The following MGAT4C variants were observed in gnomAD, a reference collection of about 807,000 sequenced individuals.
The protein encoded by MGAT4C is alpha-1,3-mannosyl-glycoprotein 4-beta-N-acetylglucosaminyltransferase C.
Under a neutral mutation model 40.1 loss-of-function variants are expected in MGAT4C, and 19 were observed. That is an observed-to-expected ratio of 0.47 (90% CI 0.33 to 0.70). The LOEUF (loss-of-function observed/expected upper bound fraction) is 0.70. Among genes scored for constraint, MGAT4C ranks in the 30% least tolerant of loss-of-function variants. The probability of loss-of-function intolerance (pLI) is 0.02; values close to 1 mark genes in which losing one functional copy is unlikely to be tolerated. For synonymous variants in MGAT4C, 181 were observed against 187.1 expected, an observed-to-expected ratio of 0.97 and a Z score of 0.27; for missense variants, 491 against 563.2, an observed-to-expected ratio of 0.87 and a Z score of 1.30.
intron 1 of MGAT4C, among the ~76,000 whole-genome samples, chr12:86,815,340 A>C (rs1016158133): frequency 2.6e-5 from 4 of 152,004 alleles, no homozygotes; most frequent in Non-Finnish European, 5.9e-5. Context: ...AAAAAACAAA[A>C]AACAGTAGAC....
Position 85,979,595 on chromosome 12 carries a change from A to C in MGAT4C, c.1131T>G (p.Asp377Glu), listed in dbSNP as rs753517104. The C allele has an allele frequency of 6.2e-7, 1 of 1,609,600 alleles. No individual in the cohort carries two copies. The highest frequency in any genetic ancestry group is 8.5e-7 in the Non-Finnish European group (1 of 1,178,568). ...YFWGKPPSTG[D>E]VFVIVFENPI... ...GATTTTCAAATACAATCACAAAAACATCTCCTGTTGAAGGTGGTTTCCCCC... is the reference window on the plus strand; with the variant it reads ...GATTTTCAAATACAATCACAAAAACCTCTCCTGTTGAAGGTGGTTTCCCCC... The change falls in exon 5 of 5, where the codon GAT (aspartate) becomes GAG (glutamate). Residue 377 changes from aspartate (D) to glutamate (E), a missense_variant. Asp to Glu is a conservative substitution (Grantham distance 45). Transcript: ENST00000611864.
chr12:86,184,896 A>T (rs1423136331), intron 1 of MGAT4C, among the ~76,000 whole-genome samples: 2 of 152,164 alleles, frequency 1.3e-5, no homozygotes, highest in African/African-American at 4.8e-5. Flanking sequence ...TTTCAGAAAA[A>T]AATCTGGATA....
chr12:86,081,032 T>C (rs1870741110), intron 1 of MGAT4C, among the ~76,000 whole-genome samples: 2 of 152,176 alleles, frequency 1.3e-5, no homozygotes, highest in African/African-American at 4.8e-5. Flanking sequence ...TGGCATTTAG[T>C]TGATGTGAAT....
chr12:86,789,881 C>T (rs192686965), intron 1 of MGAT4C, among the ~76,000 whole-genome samples: 7 of 152,178 alleles, frequency 4.6e-5, no homozygotes, highest in Middle Eastern at 3.4e-3. Context: ...GATGAGAAAA[C>T]GTACACACAG....
intron 2 of MGAT4C, among the ~76,000 whole-genome samples, chr12:86,663,829 GA>G (rs1351072750): frequency 2.0e-5 from 3 of 152,146 alleles, no homozygotes; most frequent in African/African-American, 7.2e-5. Context: ...GAGTTAAACA[GA>G]AAAATCTATG....
rs57981698 is a variant in MGAT4C, at chr12:86,278,178, C to CTTTTTTT, written c.-57+55880_-57+55886dup. On this transcript the variant is annotated intron_variant, in intron 4 of 7. Coordinates refer to the MGAT4C transcript ENST00000548651. Reference sequence around the variant, plus strand: ...GAAATGGGATTAGTTTGTTGACTTCCTTTTTTTTTTTTTTTTTTAAGATGG... The same window carrying CTTTTTTT: ...GAAATGGGATTAGTTTGTTGACTTCCTTTTTTTTTTTTTTTTTTTTTTTTTAAGATGG... 2.0e-4 allele frequency among the ~76,000 whole-genome samples: 20 copies of CTTTTTTT among 99,938 alleles called. 2 individuals are homozygous for CTTTTTTT. The highest frequency in any genetic ancestry group is 3.1e-4 in the East Asian group (1 of 3,214). The allele number at this position is 99,938 out of a possible 152,430, so 65.6% of individuals were successfully genotyped here.
chr12:86,302,782 T>C (rs2136141265), intron 4 of MGAT4C, among the ~76,000 whole-genome samples: 1 of 150,700 alleles, frequency 6.6e-6, no homozygotes, highest in East Asian at 1.9e-4. Context: ...TCTCACCCGA[T>C]TCATTTTCTA....
chr12:86,227,542 T>G (rs1951139690), intron 1 of MGAT4C, among the ~76,000 whole-genome samples: 1 of 151,962 alleles, frequency 6.6e-6, no homozygotes, highest in African/African-American at 2.4e-5. Flanking sequence ...ATATCTTCAT[T>G]TAACATACTT....
intron 1 of MGAT4C, among the ~76,000 whole-genome samples, chr12:86,237,511 C>T (rs1456209506): frequency 1.3e-5 from 2 of 151,804 alleles, no homozygotes; most frequent in Non-Finnish European, 1.5e-5. Context: ...ATTCATAAAA[C>T]TTTTTAAAAT....
chr12:86,205,299 T>A (rs1950209192), intron 1 of MGAT4C, among the ~76,000 whole-genome samples: 1 of 147,024 alleles, frequency 6.8e-6, no homozygotes, highest in African/African-American at 2.5e-5. Flanking sequence ...AAATTATACC[T>A]TTTTCTAAGT....
chr12:86,783,515 C>A (rs888819728), intron 1 of MGAT4C, among the ~76,000 whole-genome samples: 1 of 151,894 alleles, frequency 6.6e-6, no homozygotes, highest in Non-Finnish European at 1.5e-5. Context: ...TTGTGTAATT[C>A]TTTGGTTATT....
intron 2 of MGAT4C, among the ~76,000 whole-genome samples, chr12:86,620,693 G>A (rs916236025): frequency 1.3e-5 from 2 of 152,146 alleles, no homozygotes; most frequent in Admixed American, 1.3e-4. Flanking sequence ...TTGGCTATGT[G>A]TTCCCACCAG....
At chr12:85,987,034 T>G (rs1326908383) in intron 3 of MGAT4C, among the ~76,000 whole-genome samples, 1 of 151,498 alleles carries the variant, frequency 6.6e-6, no homozygotes, top group Non-Finnish European at 1.5e-5. Flanking sequence ...ATCATCAAAC[T>G]TAGAACAAGG....
chr12:86,443,838 C>T lies in MGAT4C; in HGVS notation c.-228-8573G>A, dbSNP rs1488234085. On this transcript the variant is annotated intron_variant, in intron 2 of 7. Transcript: ENST00000548651. ...CTCAATCTCCTGACCTCGTGATGCG[C>T]CCGCCTCGGCTTCCCAAAGTGCTGG... 3.9e-5 allele frequency among the ~76,000 whole-genome samples: 6 copies of T among 152,250 alleles called. No homozygotes were observed. In the East Asian group the frequency reaches 9.7e-4, roughly 25 times the overall value.
At chr12:86,045,787 T>C (rs1892348067) in intron 2 of MGAT4C, among the ~76,000 whole-genome samples, 1 of 152,216 alleles carries the variant, frequency 6.6e-6, no homozygotes, top group Admixed American at 6.5e-5. Flanking sequence ...ATTCATAACA[T>C]GCTTGGTGTT....
At chr12:86,142,220 G>T (rs141999371) in intron 1 of MGAT4C, among the ~76,000 whole-genome samples, 4 of 152,250 alleles carry the variant, frequency 2.6e-5, no homozygotes, top group African/African-American at 9.6e-5. Flanking sequence ...AAACAGGAAG[G>T]TGGTCATGTG....
At chr12:86,133,345 G>A (rs917309108) in intron 1 of MGAT4C, among the ~76,000 whole-genome samples, 2 of 152,198 alleles carry the variant, frequency 1.3e-5, no homozygotes, top group Admixed American at 6.5e-5. Context: ...CTTCTTAAAT[G>A]TCAGTATCCT....
intron 1 of MGAT4C, among the ~76,000 whole-genome samples, chr12:86,105,384 T>C (rs887249700): frequency 6.6e-6 from 1 of 152,140 alleles, no homozygotes; most frequent in Non-Finnish European, 1.5e-5. Flanking sequence ...TATCATCTTA[T>C]AGGAAAAGAA....
intron 1 of MGAT4C, among the ~76,000 whole-genome samples, chr12:86,798,756 A>G (rs1426072953): frequency 6.6e-6 from 1 of 151,938 alleles, no homozygotes; most frequent in East Asian, 1.9e-4. Context: ...AAAACATGGA[A>G]TAACTGTTAT....
Sources: gnomAD v4.1 joint callset for allele counts (sites outside exome capture counted in the v4.1 genomes callset) on GRCh38, gnomAD v4.1.1 for gene constraint, MANE v1.5 for transcripts, NCBI Gene and HGNC (gene_info 2026-07-23, HGNC 2026-07-21) for gene names.